Variants in ELOF1 observed in about 807,000 individuals in gnomAD.
ELOF1 encodes transcription elongation factor 1 homolog.
A neutral mutation model predicts 7.1 loss-of-function variants in ELOF1; 4 were observed. That is an observed-to-expected ratio of 0.56 (90% CI 0.28 to 1.29). The LOEUF (loss-of-function observed/expected upper bound fraction) is 1.29. ELOF1 is among the 50% of genes most tolerant of loss of function. The pLI is 0.10. For synonymous variants in ELOF1, 31 were observed against 31.9 expected, an observed-to-expected ratio of 0.97 and a Z score of 0.09; for missense variants, 59 against 86.3, an observed-to-expected ratio of 0.68 and a Z score of 1.25.
intron 1 of ELOF1, chr19:11,555,851 AGAG>A (rs1315860036): frequency 6.5e-6 from 1 of 153,124 alleles, no homozygotes; most frequent in African/African-American, 2.4e-5. Context: ...TGAGAGAGAC[AGAG>A]GAGACATGGC....
At position 11,554,096 on chromosome 19, in the gene ELOF1, GA is replaced by G; in HGVS notation, c.117-16del. 1 of 1,614,254 alleles carries G rather than the reference GA, an allele frequency of 6.2e-7. No individual in the cohort carries two copies. The highest frequency in any genetic ancestry group is 8.5e-7 in the Non-Finnish European group (1 of 1,180,050). On this transcript the variant is annotated splice_polypyrimidine_tract_variant and intron_variant, in intron 2 of 3. Transcript: ENST00000586683. ...GGGCACGGTCCCTGAAACAGACCAA[GA>G]GAAGGGACTGGTGAGCAATGCGTCC...
chr19:11,553,510 C>T (rs963496286), intron 3 of ELOF1: 10 of 616,976 alleles, frequency 1.6e-5, no homozygotes, highest in East Asian at 8.3e-5. Context: ...CACACACTCA[C>T]GGCCACCCCA....
At chr19:11,554,420 C>T in intron 1 of ELOF1, 55 bp from the exon 2 acceptor site, 1 of 1,583,484 alleles carries the variant, frequency 6.3e-7, no homozygotes, top group Non-Finnish European at 8.6e-7. Context: ...CGCCCCAGCT[C>T]AATGCTCTAG....
At chr19:11,553,197 C>G (rs1365328178) in intron 3 of ELOF1, 2 of 401,054 alleles carry the variant, frequency 5.0e-6, no homozygotes, top group African/African-American at 2.1e-5. Context: ...GCCCAGGGAC[C>G]TGGGGAACGG....
At chr19:11,558,020 C>T (rs1056157563) in intron 1 of ELOF1, among the ~76,000 whole-genome samples, 1 of 152,164 alleles carries the variant, frequency 6.6e-6, no homozygotes, top group African/African-American at 2.4e-5. Flanking sequence ...TCTGATCTAT[C>T]TGCCTCAGCC....
intron 1 of ELOF1, among the ~76,000 whole-genome samples, chr19:11,558,537 T>A (rs1972866902): frequency 6.6e-6 from 1 of 150,940 alleles, no homozygotes; most frequent in Non-Finnish European, 1.5e-5. Context: ...AAGCCAGGAG[T>A]TCCAGACCAG....
At chr19:11,554,450 G>C in intron 1 of ELOF1, 85 bp from the exon 2 acceptor site, 1 of 1,530,854 alleles carries the variant, frequency 6.5e-7, no homozygotes, top group Non-Finnish European at 8.8e-7. Flanking sequence ...CGGAAAGAGG[G>C]TCTGGGACTT....
At chr19:11,554,182 G>A (rs146100806) in intron 2 of ELOF1, 50 bp downstream of exon 2, 67 of 1,613,658 alleles carry the variant, frequency 4.2e-5, no homozygotes, top group African/African-American at 2.4e-4. Context: ...GGAGAACAGC[G>A]GGGAAGAGGC....
At chr19:11,554,044 C>T in exon 3 of ELOF1, 3 of 1,614,178 alleles carry the variant, frequency 1.9e-6, no homozygotes, top group Non-Finnish European at 1.7e-6. Flanking sequence ...TCTAGGCACA[C>T]GGTACAAGAG....
At chr19:11,558,406 G>A (rs1008444073) in intron 1 of ELOF1, among the ~76,000 whole-genome samples, 8 of 151,530 alleles carry the variant, frequency 5.3e-5, no homozygotes, top group African/African-American at 1.9e-4. Context: ...ATGAGCCACC[G>A]TGCCCAGCAA....
At chr19:11,554,138 T>C in intron 2 of ELOF1, 57 bp from the exon 3 acceptor site, 2 of 1,613,728 alleles carry the variant, frequency 1.2e-6, no homozygotes, top group Admixed American at 1.7e-5. Context: ...CTGTGGGTGA[T>C]GACGCCTTCA....
At chr19:11,553,578 C>G in intron 3 of ELOF1, 17 of 721,292 alleles carry the variant, frequency 2.4e-5, no homozygotes, top group Admixed American at 5.2e-5. Context: ...ACACGCACAC[C>G]CACTACACAC....
chr19:11,558,809 C>T (rs577978310), intron 1 of ELOF1, among the ~76,000 whole-genome samples: 1 of 152,112 alleles, frequency 6.6e-6, no homozygotes, highest in South Asian at 2.1e-4. Context: ...TCTCCCCATC[C>T]CATGAATGGG....
chr19:11,557,447 T>A (rs977326795), intron 1 of ELOF1, among the ~76,000 whole-genome samples: 7 of 150,742 alleles, frequency 4.6e-5, no homozygotes, highest in Non-Finnish European at 1.0e-4. Flanking sequence ...AATACAAAAA[T>A]TAGCTGGGCG....
intron 3 of ELOF1, 65 bp from the exon 4 acceptor site, chr19:11,553,875 C>A: frequency 6.2e-7 from 1 of 1,612,770 alleles, no homozygotes; most frequent in Non-Finnish European, 8.5e-7. Context: ...TCTCACCCCA[C>A]AGAAATCACT....
At chr19:11,553,728 G>T (rs761698424) in intron 3 of ELOF1, 2 of 1,614,076 alleles carry the variant, frequency 1.2e-6, no homozygotes, top group African/African-American at 1.3e-5. Context: ...CTGCTCAGGG[G>T]GCGGGTCCTC....
chr19:11,554,141 C>T lies in ELOF1; in HGVS notation c.117-60G>A, dbSNP rs868815582. The T allele has an allele frequency of 7.6e-5, 122 of 1,614,014 alleles. 2 individuals are homozygous for T. The Middle Eastern group carries it at 0.011, about 140-fold the overall frequency. On this transcript the variant is annotated intron_variant, in intron 2 of 3. Coordinates refer to ENST00000586683, the Ensembl canonical transcript of ELOF1. ...TGCGTCCTGGGCCTGTGGGTGATGA[C>T]GCCTTCACCAAGGGAGGCAAGGGGC...
intron 1 of ELOF1, chr19:11,554,679 T>C: frequency 2.5e-6 from 1 of 401,978 alleles, no homozygotes; most frequent in Non-Finnish European, 4.4e-6. Flanking sequence ...GGCTCACACC[T>C]GTGATCCCAG....
At chr19:11,556,338 C>T (rs770382839) in intron 1 of ELOF1, among the ~76,000 whole-genome samples, 17 of 151,664 alleles carry the variant, frequency 1.1e-4, no homozygotes, top group East Asian at 1.9e-4. Context: ...CTTGCTCTGC[C>T]GCCCAGGCTG....
Sources: allele counts gnomAD v4.1 joint callset (sites outside exome capture counted in the v4.1 genomes callset), GRCh38; gene constraint gnomAD v4.1.1; transcripts MANE v1.5; gene names NCBI Gene and HGNC (gene_info 2026-07-23, HGNC 2026-07-21).